The following TRAPPC3L variants were observed in gnomAD, a reference collection of about 807,000 sequenced individuals.
TRAPPC3L encodes trafficking protein particle complex subunit 3L, also known as trafficking protein particle complex subunit 3-like protein.
In TRAPPC3L, 23 loss-of-function variants were observed where a neutral mutation model predicts 23.7. That is an observed-to-expected ratio of 0.97 (90% CI 0.70 to 1.37). The LOEUF is 1.37. Among genes scored for constraint, TRAPPC3L ranks in the 40% most tolerant of loss-of-function variants. TRAPPC3L has a pLI of 0.00. For missense variants in TRAPPC3L, 212 were observed against 216.8 expected (o/e 0.98, Z 0.14); for synonymous variants, 81 against 77.9 (o/e 1.04, Z -0.21).
intron 3 of TRAPPC3L, chr6:116,523,075 A>G (rs1772375177): frequency 6.6e-6 from 1 of 151,948 alleles, no homozygotes; most frequent in African/African-American, 2.4e-5. Context: ...CTCAGGTGAT[A>G]CTGATGCTGC....
At chr6:116,509,486 AC>A (rs1437461344) in intron 3 of TRAPPC3L, among the ~76,000 whole-genome samples, 1 of 152,232 alleles carries the variant, frequency 6.6e-6, no homozygotes, top group Admixed American at 6.5e-5. Flanking sequence ...TAGCACTGGT[AC>A]AAAAGTAGAT....
At chr6:116,503,219 G>C (rs1211954471) in intron 3 of TRAPPC3L, among the ~76,000 whole-genome samples, 1 of 152,074 alleles carries the variant, frequency 6.6e-6, no homozygotes, top group Admixed American at 6.6e-5. Context: ...AGTAGGGGTT[G>C]CCATCCTGAT....
chr6:116,504,176 A>C (rs981646548), intron 3 of TRAPPC3L, among the ~76,000 whole-genome samples: 1 of 152,216 alleles, frequency 6.6e-6, no homozygotes, highest in African/African-American at 2.4e-5. Flanking sequence ...AAGTAGACAC[A>C]ATAAAAAATG....
chr6:116,513,397 G>A (rs1772162769), intron 3 of TRAPPC3L, among the ~76,000 whole-genome samples: 1 of 152,074 alleles, frequency 6.6e-6, no homozygotes, highest in South Asian at 2.1e-4. Context: ...TTGAAGAAGG[G>A]TATAACTTAC....
chr6:116,535,340 T>G lies in TRAPPC3L; in HGVS notation c.240+5023A>C, dbSNP rs77222309. 6.0e-3 allele frequency among the ~76,000 whole-genome samples: 912 copies of G among 152,334 alleles called. 10 individuals carry two copies. The highest frequency in any genetic ancestry group is 0.021 in the African/African-American group (880 of 41,572). ...TGGACTCTTCCTTTTTAATCTCCAC[T>G]ACATTGGACATGGTTAGGCCAGTGC... is the stretch of plus-strand genomic sequence containing the variant. On this transcript the variant is annotated intron_variant, in intron 3 of 4. Coordinates refer to ENST00000368602, the MANE Select transcript of TRAPPC3L (RefSeq NM_001139444.3).
At chr6:116,514,499 A>C (rs892229927) in intron 3 of TRAPPC3L, among the ~76,000 whole-genome samples, 1 of 152,260 alleles carries the variant, frequency 6.6e-6, no homozygotes, top group African/African-American at 2.4e-5. Context: ...GCTAAAACTT[A>C]ATGAATACAT....
At chr6:116,518,803 T>C (rs1019731738) in intron 3 of TRAPPC3L, 4 of 152,264 alleles carry the variant, frequency 2.6e-5, no homozygotes, top group African/African-American at 9.6e-5. Context: ...CTCATGACAA[T>C]GACTGCCTCA....
chr6:116,506,376 G>A (rs1772007831), intron 3 of TRAPPC3L, among the ~76,000 whole-genome samples: 1 of 152,250 alleles, frequency 6.6e-6, no homozygotes, highest in African/African-American at 2.4e-5. Context: ...AGATGCTGGA[G>A]AGGATGTGGA....
chr6:116,531,934 T>G lies in TRAPPC3L; in HGVS notation c.240+8429A>C, dbSNP rs542830450. 2.0e-5 allele frequency among the ~76,000 whole-genome samples: 3 copies of G among 151,240 alleles called. No homozygotes were observed. The East Asian group carries it at 5.8e-4, about 29-fold the overall frequency. On this transcript the variant is annotated intron_variant, in intron 3 of 4. Coordinates refer to ENST00000368602, the MANE Select transcript of TRAPPC3L (RefSeq NM_001139444.3). ...AATAAACAATAATGGAAAAAACAAA[T>G]GTTTCAATAAAATTACCAAGTTGAG...
intron 3 of TRAPPC3L, chr6:116,511,873 C>G: frequency 6.2e-7 from 1 of 1,614,068 alleles, no homozygotes; most frequent in Non-Finnish European, 8.5e-7. Context: ...TTGCTCCTGC[C>G]TGGGTGTTAC....
In TRAPPC3L at chr6:116,543,407, A is replaced by C. The variant is rs4142087; in HGVS notation, c.43-7T>G. On this transcript the variant is annotated splice_polypyrimidine_tract_variant and splice_region_variant and intron_variant, in intron 1 of 4. Transcript: ENST00000368602. ...GGACAAAGAGATCTTTATTCTGGAGAAAAAGGGGTAGTTTCTGGTTATAGG... is the reference window on the plus strand; with the variant it reads ...GGACAAAGAGATCTTTATTCTGGAGCAAAAGGGGTAGTTTCTGGTTATAGG... 0.38 allele frequency: 581,346 copies of C among 1,543,190 alleles called. 114,663 individuals carry two copies. The highest frequency in any genetic ancestry group is 0.46 in the East Asian group (18,887 of 40,712).
intron 2 of TRAPPC3L, among the ~76,000 whole-genome samples, chr6:116,540,940 G>T (rs1295466724): frequency 1.3e-5 from 2 of 152,154 alleles, no homozygotes; most frequent in Admixed American, 6.6e-5. Flanking sequence ...AGGAGGGGAA[G>T]AAGAGAGCAG....
intron 3 of TRAPPC3L, among the ~76,000 whole-genome samples, chr6:116,507,769 G>A (rs1346523583): frequency 1.3e-5 from 2 of 151,728 alleles, no homozygotes; most frequent in Non-Finnish European, 2.9e-5. Flanking sequence ...AGTGGTGGGA[G>A]GCGCATAAAT....
chr6:116,500,816 C>A, intron 3 of TRAPPC3L, 150 bp from the exon 4 acceptor site: 1 of 694,368 alleles, frequency 1.4e-6, no homozygotes, highest in South Asian at 1.8e-5. Flanking sequence ...CTTAGCTTTG[C>A]AATTTATTGA....
At chr6:116,520,319 C>T (rs1051997072) in intron 3 of TRAPPC3L, 1 of 152,058 alleles carries the variant, frequency 6.6e-6, no homozygotes, top group Non-Finnish European at 1.5e-5. Flanking sequence ...TTGGTGGTTC[C>T]GAATTCTCTA....
At chr6:116,522,447 C>T (rs1772363237) in intron 3 of TRAPPC3L, 1 of 152,168 alleles carries the variant, frequency 6.6e-6, no homozygotes, top group Non-Finnish European at 1.5e-5. Context: ...TGTATTTATA[C>T]ATTTATACAT....
At chr6:116,505,563 C>A (rs1771989595) in intron 3 of TRAPPC3L, among the ~76,000 whole-genome samples, 2 of 152,266 alleles carry the variant, frequency 1.3e-5, no homozygotes, top group Admixed American at 1.3e-4. Context: ...ATTGCCAAGA[C>A]AATCCTAAGC....
intron 3 of TRAPPC3L, among the ~76,000 whole-genome samples, chr6:116,532,382 G>C (rs1772793845): frequency 6.6e-6 from 1 of 152,180 alleles, no homozygotes; most frequent in Non-Finnish European, 1.5e-5. Context: ...AATTACAGGC[G>C]TGAGCCACCG....
At chr6:116,541,673 T>C (rs1482942168) in intron 2 of TRAPPC3L, among the ~76,000 whole-genome samples, 10 of 152,222 alleles carry the variant, frequency 6.6e-5, no homozygotes, top group Non-Finnish European at 1.5e-4. Flanking sequence ...CTGCAAAGAC[T>C]TTTAACAATC....
Sources: allele counts gnomAD v4.1 joint callset (sites outside exome capture counted in the v4.1 genomes callset), GRCh38; gene constraint gnomAD v4.1.1; transcripts MANE v1.5; gene names NCBI Gene and HGNC (gene_info 2026-07-23, HGNC 2026-07-21).